The following SIL1 variants were observed in gnomAD, a reference collection of about 807,000 sequenced individuals.
SIL1 encodes nucleotide exchange factor SIL1.
SIL1 carries 40 observed loss-of-function variants against 49.1 expected under a neutral mutation model. The observed-to-expected ratio is 0.81, with a 90% CI of 0.63 to 1.06. The LOEUF (loss-of-function observed/expected upper bound fraction) is 1.06. Among genes scored for constraint, SIL1 ranks in the 50% least tolerant of loss-of-function variants. The probability of loss-of-function intolerance (pLI) is 0.00; values close to 1 mark genes in which losing one functional copy is unlikely to be tolerated. For synonymous variants in SIL1, 253 were observed against 250.8 expected (o/e 1.01, Z -0.08); for missense variants, 500 against 572.6 (o/e 0.87, Z 1.29).
chr5:139,135,490 G>T (rs1005807143), intron 1 of SIL1, among the ~76,000 whole-genome samples: 5 of 152,184 alleles, frequency 3.3e-5, no homozygotes, highest in African/African-American at 9.7e-5. Context: ...ACAGATGTTA[G>T]CCCTGCCAGA....
chr5:138,984,496 C>T (rs1301324372), intron 7 of SIL1, among the ~76,000 whole-genome samples: 1 of 152,004 alleles, frequency 6.6e-6, no homozygotes, highest in African/African-American at 2.4e-5. Flanking sequence ...ACAGCTGGGA[C>T]TACAGGCATG....
chr5:139,080,404 GCCAAAAA>G (rs1770047104), intron 3 of SIL1, among the ~76,000 whole-genome samples: 1 of 152,156 alleles, frequency 6.6e-6, no homozygotes, highest in South Asian at 2.1e-4. Flanking sequence ...TTCAGTCTCT[GCCAAAAA>G]CCAACCTGAC....
At chr5:139,006,602 C>CT (rs1416524768) in intron 7 of SIL1, among the ~76,000 whole-genome samples, 17 of 151,304 alleles carry the variant, frequency 1.1e-4, no homozygotes, top group East Asian at 9.7e-4. Flanking sequence ...ACGTTTAAAT[C>CT]TTTTTTTTTA....
intron 3 of SIL1, among the ~76,000 whole-genome samples, chr5:139,074,243 G>A (rs1340830591): frequency 6.6e-6 from 1 of 152,150 alleles, no homozygotes; most frequent in African/African-American, 2.4e-5. Flanking sequence ...TTTTTGTAGA[G>A]ACAAGGTCTT....
At chr5:138,978,598 AT>A (rs1330039456) in intron 7 of SIL1, among the ~76,000 whole-genome samples, 1 of 152,218 alleles carries the variant, frequency 6.6e-6, no homozygotes, top group East Asian at 1.9e-4. Context: ...ATGTTTAACT[AT>A]TTGAAGAACT....
chr5:139,071,196 A>G (rs1336789991), intron 3 of SIL1, among the ~76,000 whole-genome samples: 1 of 139,488 alleles, frequency 7.2e-6, no homozygotes, highest in Admixed American at 7.1e-5. Flanking sequence ...TATAAGAAGA[A>G]GAAGAAAAAA....
At chr5:139,073,837 T>C (rs1218306079) in intron 3 of SIL1, among the ~76,000 whole-genome samples, 1 of 149,138 alleles carries the variant, frequency 6.7e-6, no homozygotes, top group Non-Finnish European at 1.5e-5. Context: ...GGGGCGGAGG[T>C]TGCAGTGAGC....
At chr5:139,036,945 G>A (rs1028920634) in intron 5 of SIL1, among the ~76,000 whole-genome samples, 16 of 152,122 alleles carry the variant, frequency 1.1e-4, no homozygotes, top group South Asian at 1.0e-3. Flanking sequence ...CTTTATTCCT[G>A]ATATTTCAAG....
chr5:138,966,944 A>G (rs1456772099), intron 7 of SIL1, among the ~76,000 whole-genome samples: 2 of 152,168 alleles, frequency 1.3e-5, no homozygotes, highest in Non-Finnish European at 2.9e-5. Flanking sequence ...ACTTATCTCA[A>G]TTTGACTTCT....
intron 7 of SIL1, among the ~76,000 whole-genome samples, chr5:138,969,723 TA>T (rs1219072664): frequency 2.0e-5 from 3 of 152,240 alleles, no homozygotes; most frequent in African/African-American, 7.2e-5. Context: ...CGCAGTGGCA[TA>T]ATGTAGCATA....
intron 9 of SIL1, 29 bp downstream of exon 9, chr5:138,951,139 CAAG>C: frequency 6.2e-7 from 1 of 1,606,932 alleles, no homozygotes; most frequent in Non-Finnish European, 8.5e-7. Context: ...ACAAAGCAAA[CAAG>C]AGGAGACTGG....
intron 3 of SIL1, among the ~76,000 whole-genome samples, chr5:139,078,470 T>A (rs1196271613): frequency 6.6e-6 from 1 of 152,200 alleles, no homozygotes; most frequent in Non-Finnish European, 1.5e-5. Context: ...AAGCTAAGCA[T>A]TTTCTCAGCT....
At chr5:139,061,009 A>G (rs1769575477) in intron 3 of SIL1, among the ~76,000 whole-genome samples, 2 of 152,234 alleles carry the variant, frequency 1.3e-5, no homozygotes, top group South Asian at 4.1e-4. Flanking sequence ...TCTGTAAGAA[A>G]ACATGAATGG....
chr5:138,992,124 C>T (rs1246334930), intron 7 of SIL1, among the ~76,000 whole-genome samples: 1 of 152,206 alleles, frequency 6.6e-6, no homozygotes, highest in African/African-American at 2.4e-5. Context: ...AATCACTACA[C>T]GACTATGGGT....
chr5:139,026,244 CTA>C (rs1374981963), intron 6 of SIL1, among the ~76,000 whole-genome samples: 1 of 152,096 alleles, frequency 6.6e-6, no homozygotes, highest in Non-Finnish European at 1.5e-5. Flanking sequence ...ATAACTAGGA[CTA>C]TGTCTATTTT....
chr5:139,098,809 C>CTTTTTTTTTTTTTTTTTTTTTTT (rs59863544), intron 3 of SIL1, among the ~76,000 whole-genome samples: 3 of 89,048 alleles, frequency 3.4e-5, no homozygotes, highest in African/African-American at 1.2e-4. Context: ...TTTTCTTACT[C>CTTTTTTTTTTTTTTTTTTTTTTT]TTTTTTTTTT....
chr5:139,182,985 T>C (rs1450939105), intron 1 of SIL1, among the ~76,000 whole-genome samples: 1 of 152,184 alleles, frequency 6.6e-6, no homozygotes, highest in African/African-American at 2.4e-5. Context: ...AACTTAGTCG[T>C]CATGTTTATT....
chr5:139,057,848 T>A (rs961943459), intron 3 of SIL1, among the ~76,000 whole-genome samples: 1 of 152,210 alleles, frequency 6.6e-6, no homozygotes, highest in Non-Finnish European at 1.5e-5. Context: ...GGTGAGAGCC[T>A]GTTCCTCACA....
chr5:139,024,345 C>T (rs918990330), intron 6 of SIL1, among the ~76,000 whole-genome samples: 3 of 152,020 alleles, frequency 2.0e-5, no homozygotes, highest in Non-Finnish European at 2.9e-5. Flanking sequence ...GAAAGAGAAC[C>T]GAGGTTCATT....
Sources: gnomAD v4.1 joint callset for allele counts (sites outside exome capture counted in the v4.1 genomes callset) on GRCh38, gnomAD v4.1.1 for gene constraint, MANE v1.5 for transcripts, NCBI Gene and HGNC (gene_info 2026-07-23, HGNC 2026-07-21) for gene names.